VPS45: variants seen among roughly 807,000 people sequenced by gnomAD.
The protein encoded by VPS45 is vacuolar protein sorting 45 homolog, also known as vacuolar protein sorting-associated protein 45.
Under a neutral mutation model 75.9 loss-of-function variants are expected in VPS45, and 35 were observed. The observed-to-expected ratio is 0.46, with a 90% CI of 0.35 to 0.61. VPS45 has a LOEUF of 0.61. VPS45 is among the 20% of genes least tolerant of loss of function. The probability of loss-of-function intolerance (pLI) is 0.00; values close to 1 mark genes in which losing one functional copy is unlikely to be tolerated. For synonymous variants in VPS45, 220 were observed against 238.2 expected, an observed-to-expected ratio of 0.92 and a Z score of 0.70; for missense variants, 559 against 685.9, an observed-to-expected ratio of 0.81 and a Z score of 2.07.
chr1:150,070,037 C>T (rs1299198945), intron 2 of VPS45, among the ~76,000 whole-genome samples: 5 of 152,152 alleles, frequency 3.3e-5, no homozygotes, highest in South Asian at 4.1e-4. Context: ...CTATATTCCC[C>T]TTGTCCCGTC....
intron 14 of VPS45, among the ~76,000 whole-genome samples, chr1:150,133,838 G>A (rs1165064091): frequency 6.6e-6 from 1 of 152,140 alleles, no homozygotes; most frequent in Non-Finnish European, 1.5e-5. Flanking sequence ...TGGACGATGA[G>A]GGTAATTTTT....
intron 12 of VPS45, among the ~76,000 whole-genome samples, chr1:150,092,876 C>T (rs1553802285): frequency 7.9e-6 from 1 of 126,666 alleles, no homozygotes; most frequent in Admixed American, 8.9e-5. Flanking sequence ...GAGTCTCGCT[C>T]TGTCTCCCAG....
At chr1:150,112,433 T>C (rs1657695350) in intron 14 of VPS45, among the ~76,000 whole-genome samples, 1 of 152,226 alleles carries the variant, frequency 6.6e-6, no homozygotes, top group African/African-American at 2.4e-5. Context: ...ATATTTAACA[T>C]GATATCTTTA....
chr1:150,075,906 C>T (rs373003769), intron 3 of VPS45, among the ~76,000 whole-genome samples: 1,078 of 46,420 alleles, frequency 0.023, 8 homozygotes, highest in Middle Eastern at 0.075. Context: ...TCCGCCACCA[C>T]GCCCAGCTAA....
At chr1:150,130,334 G>T (rs1658767021) in intron 14 of VPS45, among the ~76,000 whole-genome samples, 2 of 149,866 alleles carry the variant, frequency 1.3e-5, no homozygotes, top group African/African-American at 2.5e-5. Flanking sequence ...GACTACACGT[G>T]TGTACCACCA....
At chr1:150,102,829 G>T (rs1229030394) in intron 13 of VPS45, among the ~76,000 whole-genome samples, 1 of 152,156 alleles carries the variant, frequency 6.6e-6, no homozygotes, top group African/African-American at 2.4e-5. Context: ...AAGAACTCAG[G>T]AACACAGAAG....
chr1:150,142,337 A>C (rs1553815472), intron 14 of VPS45, among the ~76,000 whole-genome samples: 1 of 152,200 alleles, frequency 6.6e-6, no homozygotes, highest in East Asian at 1.9e-4. Context: ...ATTGTTCAAA[A>C]AAAAATCAGT....
At position 150,106,181 on chromosome 1, in the gene VPS45, C is replaced by G. The variant is rs1408036232; in HGVS notation, c.1494-4315C>G. The stretch of plus-strand genomic sequence containing the variant: ...AGATGAAAACCTAGGAAAAACTCTT[C>G]TGGACATTGGCCTAGGCAAAGAATT... On this transcript the variant is annotated intron_variant, in intron 13 of 14. Transcript: ENST00000644510. 3.9e-5 allele frequency among the ~76,000 whole-genome samples: 6 copies of G among 152,276 alleles called. No homozygotes were observed. In the East Asian group the frequency reaches 1.2e-3, roughly 29 times the overall value.
rs1571824273 is a variant in VPS45 at position 150,077,246 on chromosome 1, A to G, written c.576+15A>G. The G allele has an allele frequency of 1.2e-6, 2 of 1,600,124 alleles. No homozygotes were observed. Among genetic ancestry groups the G allele is most frequent in the Non-Finnish European group, 1.7e-6 (2 of 1,176,018 alleles). On this transcript the variant is annotated intron_variant, in intron 6 of 14. Transcript: ENST00000644510. Reference sequence around the variant, plus strand: ...AGTGCGTTAAGGTATGGCATTACCTATTCCTGGTTCCAAAACATAAAGGCC... The same window carrying G: ...AGTGCGTTAAGGTATGGCATTACCTGTTCCTGGTTCCAAAACATAAAGGCC...
chr1:150,130,435 G>C (rs1479459900), intron 14 of VPS45, among the ~76,000 whole-genome samples: 7 of 150,636 alleles, frequency 4.6e-5, no homozygotes, highest in African/African-American at 1.7e-4. Context: ...CAAGTGATCT[G>C]CCTGCCTCAG....
intron 14 of VPS45, among the ~76,000 whole-genome samples, chr1:150,126,950 A>G (rs1553810941): frequency 6.6e-6 from 1 of 152,342 alleles, no homozygotes; most frequent in African/African-American, 2.4e-5. Flanking sequence ...ATAGTTTCTC[A>G]CTGCATAATT....
rs1655629978 is a variant in VPS45 at position 150,080,219 on chromosome 1, C to T, written c.688-1123C>T. Among the ~76,000 whole-genome samples, 4 of 149,998 alleles carry T rather than the reference C, an allele frequency of 2.7e-5. No homozygotes were observed. In the South Asian group the frequency reaches 8.4e-4, roughly 31 times the overall value. On this transcript the variant is annotated intron_variant, in intron 7 of 14. Coordinates refer to ENST00000644510, the MANE Select transcript of VPS45 (RefSeq NM_007259.5). ...GGAGTGCAATGGTGTGATCTTGGCTCACTACAACCTCCGCCTCCTGGGTTC... is the reference window on the plus strand; with the variant it reads ...GGAGTGCAATGGTGTGATCTTGGCTTACTACAACCTCCGCCTCCTGGGTTC...
intron 4 of VPS45, chr1:150,076,671 AAATAT>A (rs1553798147): frequency 1.8e-6 from 1 of 558,270 alleles, no homozygotes; most frequent in African/African-American, 1.9e-5. Flanking sequence ...AGGTCTCCAG[AAATAT>A]AATGTGTATA....
chr1:150,076,424 A>G (rs1206717560), intron 4 of VPS45, 112 bp downstream of exon 4: 3 of 703,260 alleles, frequency 4.3e-6, no homozygotes, highest in Non-Finnish European at 6.7e-6. Context: ...TATTATGAAT[A>G]CTTGAATATG....
intron 14 of VPS45, among the ~76,000 whole-genome samples, chr1:150,132,146 T>TTG (rs781996627): frequency 6.6e-6 from 1 of 152,066 alleles, no homozygotes; most frequent in African/African-American, 2.4e-5. Context: ...CATTTTTCTT[T>TTG]TGTGTAAGCT....
intron 4 of VPS45, 115 bp from the exon 5 acceptor site, chr1:150,076,801 T>C (rs587613239): frequency 8.9e-7 from 1 of 1,123,012 alleles, no homozygotes; most frequent in East Asian, 2.4e-5. Flanking sequence ...TTAGTATCTC[T>C]TTACACCTGT....
intron 13 of VPS45, among the ~76,000 whole-genome samples, chr1:150,101,298 G>A (rs1656973266): frequency 1.4e-5 from 2 of 145,988 alleles, no homozygotes; most frequent in South Asian, 4.3e-4. Flanking sequence ...CAAAGGACAT[G>A]AACAGCTACT....
chr1:150,086,713 G>A (rs1553800754), intron 10 of VPS45, among the ~76,000 whole-genome samples: 1 of 152,096 alleles, frequency 6.6e-6, no homozygotes, highest in African/African-American at 2.4e-5. Context: ...AAGGAATACT[G>A]GCTCCGATGT....
chr1:150,107,907 A>G (rs1235531814), intron 13 of VPS45, among the ~76,000 whole-genome samples: 1 of 152,134 alleles, frequency 6.6e-6, no homozygotes, highest in African/African-American at 2.4e-5. Context: ...GTCTCAAAAA[A>G]AAAGCAAATT....
Sources: gnomAD v4.1 joint callset for allele counts (sites outside exome capture counted in the v4.1 genomes callset) on GRCh38, gnomAD v4.1.1 for gene constraint, MANE v1.5 for transcripts, NCBI Gene and HGNC (gene_info 2026-07-23, HGNC 2026-07-21) for gene names.